Variants in PCDHA8 observed in about 807,000 individuals in gnomAD.
PCDHA8 encodes protocadherin alpha-8.
PCDHA8 carries 53 observed loss-of-function variants against 61.8 expected under a neutral mutation model. The ratio of observed to expected loss-of-function variants is 0.86; its 90% CI spans 0.69 to 1.08. The LOEUF is 1.08. Ranked by LOEUF, PCDHA8 falls within the 50% of genes least tolerant of loss-of-function variation. The pLI is 0.00. For missense variants in PCDHA8, 1,293 were observed against 1,245.0 expected (o/e 1.04, Z -0.58); for synonymous variants, 618 against 556.6 (o/e 1.11, Z -1.55).
In PCDHA8 at chr5:140,858,436, G is replaced by A. The variant is rs781811192; in HGVS notation, c.2394+14721G>A. 9 of 1,542,522 alleles carry A rather than the reference G, an allele frequency of 5.8e-6. 1 individual carries two copies. In the South Asian group the frequency reaches 1.1e-4, roughly 18 times the overall value. ...CTATTGGAGGGGACCACTCTAGGAA[G>A]GTGGGTTATTACGTTTTCATTTTCC... On this transcript the variant is annotated intron_variant, in intron 1 of 3. Coordinates refer to ENST00000531613, the MANE Select transcript of PCDHA8 (RefSeq NM_018911.3).
chr5:140,871,577 G>A, intron 1 of PCDHA8: 1 of 1,474,316 alleles, frequency 6.8e-7, no homozygotes, highest in Non-Finnish European at 9.0e-7. Flanking sequence ...ATTTTTTAAG[G>A]GAAAGTTTTA....
In PCDHA8 at chr5:141,010,017, T is replaced by C; in HGVS notation, c.*80T>C. 1.3e-6 allele frequency: 2 copies of C among 1,571,154 alleles called. No individual in the cohort carries two copies. Among genetic ancestry groups the C allele is most frequent in the Non-Finnish European group, 1.7e-6 (2 of 1,162,678 alleles). On this transcript the variant is annotated 3_prime_UTR_variant, in exon 4 of 4. Transcript: ENST00000531613. ...CTCCCATGTAGCAATTCCCTGCTCC[T>C]TTTTCCTATCTACATGAGCCCTCTT...
intron 1 of PCDHA8, chr5:140,968,708 A>G: frequency 1.2e-6 from 2 of 1,614,126 alleles, no homozygotes; most frequent in Non-Finnish European, 1.7e-6. Flanking sequence ...TACCAGGAAG[A>G]TGGGAGATGA....
At chr5:140,984,295 A>C (rs1195087908) in intron 3 of PCDHA8, among the ~76,000 whole-genome samples, 3 of 152,208 alleles carry the variant, frequency 2.0e-5, no homozygotes, top group African/African-American at 7.2e-5. Flanking sequence ...CCCATTGGTG[A>C]TGCTGGTTGG....
chr5:140,941,285 T>C (rs1563188656), intron 1 of PCDHA8, among the ~76,000 whole-genome samples: 1 of 119,964 alleles, frequency 8.3e-6, no homozygotes, highest in African/African-American at 2.9e-5. Flanking sequence ...TTCCTTCCTT[T>C]CTCTTTCTTT....
chr5:140,973,391 A>G (rs1466546487), intron 1 of PCDHA8, among the ~76,000 whole-genome samples: 1 of 152,232 alleles, frequency 6.6e-6, no homozygotes, highest in East Asian at 1.9e-4. Context: ...AGACAAAGAA[A>G]TCATATCTAT....
chr5:140,843,081 C>T lies in PCDHA8; in HGVS notation c.1760C>T (p.Ala587Val), dbSNP rs2150352051. 1.3e-6 allele frequency: 2 copies of T among 1,595,422 alleles called. No homozygotes were observed. The highest frequency in any genetic ancestry group is 1.7e-5 in the Admixed American group (1 of 59,318). The change falls in exon 1 of 4, where the codon GCG becomes GTG. Residue 587 changes from alanine to valine, a missense_variant. Coordinates refer to ENST00000531613, the MANE Select transcript of PCDHA8 (RefSeq NM_018911.3). The stretch of plus-strand genomic sequence containing the variant: ...AAGCTGGTGCCGCGGTCTGTGGGCG[C>T]GGGCCACGTGGTAGCGAAGGTGCGC... ...ASKLVPRSVG[A>V]GHVVAKVRAV...
chr5:140,998,442 T>G lies in PCDHA8; in HGVS notation c.2543-11185T>G, dbSNP rs368931467. On this transcript the variant is annotated intron_variant, in intron 3 of 3. Coordinates refer to ENST00000531613, the MANE Select transcript of PCDHA8 (RefSeq NM_018911.3). ...GGTTTATCCTTTAACACTATTATTGTATTTATTCATTTACTTGTCTTTTCC... is the reference window on the plus strand; with the variant it reads ...GGTTTATCCTTTAACACTATTATTGGATTTATTCATTTACTTGTCTTTTCC... 1.7e-4 allele frequency among the ~76,000 whole-genome samples: 26 copies of G among 152,352 alleles called. No individual in the cohort carries two copies. In the South Asian group the frequency reaches 5.2e-3, roughly 30 times the overall value.
chr5:140,859,907 T>G (rs982789282), intron 1 of PCDHA8: 3 of 150,386 alleles, frequency 2.0e-5, no homozygotes, highest in African/African-American at 5.0e-5. Context: ...CCTTAATGTC[T>G]TATATTATAA....
intron 1 of PCDHA8, among the ~76,000 whole-genome samples, chr5:140,874,013 A>C (rs2054638776): frequency 6.6e-6 from 1 of 152,248 alleles, no homozygotes; most frequent in Non-Finnish European, 1.5e-5. Flanking sequence ...ACCACTTTTG[A>C]AAATGAAAAA....
At chr5:140,917,326 G>GA (rs1425389614) in intron 1 of PCDHA8, among the ~76,000 whole-genome samples, 3 of 149,490 alleles carry the variant, frequency 2.0e-5, no homozygotes, top group Non-Finnish European at 4.5e-5. Flanking sequence ...TCATGTGGCG[G>GA]GGGAGGGGGG....
chr5:141,002,099 GC>G (rs1399073427), intron 3 of PCDHA8, among the ~76,000 whole-genome samples: 9 of 152,362 alleles, frequency 5.9e-5, no homozygotes, highest in Non-Finnish European at 1.2e-4. Flanking sequence ...CAGGGGCTGG[GC>G]CGGAAACGGC....
At chr5:140,937,546 G>A (rs1584916949) in intron 1 of PCDHA8, among the ~76,000 whole-genome samples, 1 of 152,050 alleles carries the variant, frequency 6.6e-6, no homozygotes, top group Non-Finnish European at 1.5e-5. Flanking sequence ...GAACCTGCGA[G>A]GCAGAGGTTG....
intron 1 of PCDHA8, chr5:140,856,165 A>T: frequency 6.3e-7 from 1 of 1,598,366 alleles, no homozygotes; most frequent in South Asian, 1.1e-5. Flanking sequence ...AGGAGGCCAG[A>T]CACGGCACCT....
At chr5:140,868,018 A>C (rs987390119) in intron 1 of PCDHA8, 14 of 152,136 alleles carry the variant, frequency 9.2e-5, no homozygotes, top group African/African-American at 3.1e-4. Context: ...GATTAAGGAA[A>C]CCAATGTTGG....
chr5:140,973,134 C>T (rs999970948), intron 1 of PCDHA8, among the ~76,000 whole-genome samples: 6 of 152,182 alleles, frequency 3.9e-5, no homozygotes, highest in Admixed American at 6.5e-5. Flanking sequence ...AGTTTGCATT[C>T]ACTTTCACTT....
chr5:140,870,493 A>T (rs782514435), intron 1 of PCDHA8: 2 of 1,614,214 alleles, frequency 1.2e-6, no homozygotes, highest in South Asian at 2.2e-5. Context: ...CGTGTTCGTG[A>T]AGGAGAACAA....
chr5:141,008,437 C>T (rs1261106138), intron 3 of PCDHA8, among the ~76,000 whole-genome samples: 1 of 152,182 alleles, frequency 6.6e-6, no homozygotes. Context: ...TTTGCCCAGA[C>T]AGACCATTAC....
In PCDHA8 at chr5:140,884,016, G is replaced by A. The variant is rs143828814; in HGVS notation, c.2394+40301G>A. 13 of 1,613,090 alleles carry A rather than the reference G, an allele frequency of 8.1e-6. No individual in the cohort carries two copies. In the Admixed American group the frequency reaches 1.2e-4, roughly 14 times the overall value. On this transcript the variant is annotated intron_variant, in intron 1 of 3. Coordinates refer to ENST00000531613, the MANE Select transcript of PCDHA8 (RefSeq NM_018911.3). ...GGCACAGTGAGCGAGCTGATGCCGC[G>A]GTCGGTGGGTGCAGGCCACGTGGTG...
Sources: gnomAD v4.1 joint callset for allele counts (sites outside exome capture counted in the v4.1 genomes callset) on GRCh38, gnomAD v4.1.1 for gene constraint, MANE v1.5 for transcripts, NCBI Gene and HGNC (gene_info 2026-07-23, HGNC 2026-07-21) for gene names.